Variants in KANSL1 observed in about 807,000 individuals in gnomAD.
KANSL1 encodes KAT8 regulatory NSL complex subunit 1, also known as MLL1/MLL complex subunit KANSL1.
KANSL1 carries 22 observed loss-of-function variants against 103.6 expected under a neutral mutation model. The ratio of observed to expected loss-of-function variants is 0.21; its 90% CI spans 0.15 to 0.30. The LOEUF is 0.30. Among genes scored for constraint, KANSL1 ranks in the 10% least tolerant of loss-of-function variants. The probability of loss-of-function intolerance (pLI) is 1.00; values close to 1 mark genes in which losing one functional copy is unlikely to be tolerated. For synonymous variants in KANSL1, 600 were observed against 527.6 expected, an observed-to-expected ratio of 1.14 and a Z score of -1.88; for missense variants, 1,337 against 1,399.8, an observed-to-expected ratio of 0.96 and a Z score of 0.72.
chr17:46,137,937 G>C (rs1455694773), intron 2 of KANSL1, among the ~76,000 whole-genome samples: 1 of 152,022 alleles, frequency 6.6e-6, no homozygotes, highest in African/African-American at 2.4e-5. Flanking sequence ...CAGATGAAAA[G>C]GTGTCTGCAC....
intron 2 of KANSL1, 87 bp downstream of exon 2, chr17:46,170,768 A>C: frequency 7.2e-7 from 1 of 1,397,072 alleles, no homozygotes; most frequent in Non-Finnish European, 9.7e-7. Flanking sequence ...TGTACAAAGA[A>C]TCACATTCTC....
chr17:46,109,000 G>C (rs970178399), intron 2 of KANSL1, among the ~76,000 whole-genome samples: 2 of 152,206 alleles, frequency 1.3e-5, no homozygotes, highest in Non-Finnish European at 2.9e-5. Flanking sequence ...CCGGGCTGAA[G>C]GGCAGTGATG....
chr17:46,093,362 G>A (rs2079490007), intron 3 of KANSL1: 1 of 152,508 alleles, frequency 6.6e-6, no homozygotes, highest in African/African-American at 2.4e-5. Flanking sequence ...TTTTAAATAA[G>A]TAAATCAGGA....
intron 2 of KANSL1, among the ~76,000 whole-genome samples, chr17:46,107,983 T>C (rs944776818): frequency 1.3e-5 from 2 of 152,350 alleles, no homozygotes; most frequent in African/African-American, 4.8e-5. Context: ...TCATTGTTAG[T>C]ACTTTGGTTG....
rs113128480 is a variant in KANSL1, at chr17:46,080,312, T to A, written c.1533+2129A>T. 4.6e-3 allele frequency among the ~76,000 whole-genome samples: 357 copies of A among 77,748 alleles called. 7 individuals are homozygous for A. Among genetic ancestry groups the A allele is most frequent in the Middle Eastern group, 0.043 (6 of 138 alleles). 51.0% of individuals were successfully genotyped at this position (77,748 alleles called of 152,430 possible). ...TGGGTGACAGAGCAAGAGCCTGTCT[T>A]AAAAAAAAAAAAAAAAAAAAAAAAG... On this transcript the variant is annotated intron_variant, in intron 4 of 14. Coordinates refer to ENST00000432791, the MANE Select transcript of KANSL1 (RefSeq NM_015443.4).
At chr17:46,103,074 G>C (rs947565728) in intron 2 of KANSL1, among the ~76,000 whole-genome samples, 9 of 152,210 alleles carry the variant, frequency 5.9e-5, no homozygotes, top group African/African-American at 1.7e-4. Context: ...TATGTGGTTA[G>C]AACTCCAACA....
chr17:46,032,989 G>T, intron 13 of KANSL1, 91 bp downstream of exon 13: 1 of 947,652 alleles, frequency 1.1e-6, no homozygotes, highest in Non-Finnish European at 1.6e-6. Flanking sequence ...GCAACCAAGA[G>T]GCAGTAGCAA....
intron 2 of KANSL1, among the ~76,000 whole-genome samples, chr17:46,166,951 T>G (rs1254859565): frequency 1.3e-5 from 2 of 151,988 alleles, no homozygotes; most frequent in African/African-American, 4.8e-5. Context: ...AATGAAATGT[T>G]TTATGAGGTT....
intron 2 of KANSL1, among the ~76,000 whole-genome samples, chr17:46,126,648 TA>T (rs1248797716): frequency 6.6e-6 from 1 of 152,190 alleles, no homozygotes; most frequent in Non-Finnish European, 1.5e-5. Flanking sequence ...ACTTCATTAT[TA>T]AGTGAGTTTT....
Position 46,130,534 on chromosome 17 carries a change from A to C in KANSL1, c.1290-35833T>G, listed in dbSNP as rs2043814820. Among the ~76,000 whole-genome samples the C allele has an allele frequency of 5.3e-5, 8 of 152,276 alleles. No individual in the cohort carries two copies. The South Asian group carries it at 1.7e-3, about 32-fold the overall frequency. On this transcript the variant is annotated intron_variant, in intron 2 of 14. Transcript: ENST00000432791. Reference sequence around the variant, plus strand: ...AATTGTAAAAGGCTGTTTCATACATACAAACAGTTCAGGAAAGGATAGAAC... The same window carrying C: ...AATTGTAAAAGGCTGTTTCATACATCCAAACAGTTCAGGAAAGGATAGAAC...
chr17:46,047,873 C>T (rs1345065279), intron 7 of KANSL1, among the ~76,000 whole-genome samples: 1 of 151,596 alleles, frequency 6.6e-6, no homozygotes, highest in African/African-American at 2.4e-5. Context: ...AGCATGGAGC[C>T]CTTATCCTCA....
chr17:46,058,999 G>T (rs570831900), intron 6 of KANSL1, among the ~76,000 whole-genome samples: 1 of 148,910 alleles, frequency 6.7e-6, no homozygotes, highest in South Asian at 2.1e-4. Context: ...GTGAGCCAAG[G>T]ATGTGCCACT....
At chr17:46,146,507 G>A (rs1241873447) in intron 2 of KANSL1, among the ~76,000 whole-genome samples, 1 of 152,330 alleles carries the variant, frequency 6.6e-6, no homozygotes, top group Non-Finnish European at 1.5e-5. Context: ...CCCATAGGCA[G>A]AGAGTAGCTG....
intron 6 of KANSL1, among the ~76,000 whole-genome samples, chr17:46,054,186 G>T (rs112692435): frequency 7.0e-4 from 107 of 152,196 alleles, no homozygotes; most frequent in African/African-American, 2.5e-3. Context: ...CCAAGTAGCT[G>T]GGATTGCAGG....
intron 14 of KANSL1, 168 bp from the exon 15 acceptor site, chr17:46,031,871 A>T (rs2077018481): frequency 1.0e-5 from 11 of 1,061,704 alleles, no homozygotes. Context: ...AACTGTATTG[A>T]TCATTTAGCA....
chr17:46,195,803 G>A (rs544785679), upstream of KANSL1, among the ~76,000 whole-genome samples: 76 of 152,280 alleles, frequency 5.0e-4, no homozygotes, highest in African/African-American at 1.7e-3. Flanking sequence ...GGACTCGAGT[G>A]CTGGCATTAC....
intron 10 of KANSL1, 133 bp downstream of exon 10, chr17:46,038,405 A>C: frequency 1.1e-6 from 1 of 909,942 alleles, no homozygotes; most frequent in Non-Finnish European, 1.7e-6. Flanking sequence ...ACATACATAC[A>C]TATGTCATGA....
intron 1 of KANSL1, among the ~76,000 whole-genome samples, chr17:46,183,688 C>T (rs544257833): frequency 5.3e-5 from 8 of 151,910 alleles, no homozygotes; most frequent in Admixed American, 2.6e-4. Flanking sequence ...AGGTGGCTCA[C>T]GCCTGTAATT....
intron 2 of KANSL1, among the ~76,000 whole-genome samples, chr17:46,154,164 T>C (rs2045286151): frequency 6.6e-6 from 1 of 152,230 alleles, no homozygotes. Flanking sequence ...AACAAAGCAC[T>C]GGTTCGCACA....
Sources: allele counts gnomAD v4.1 joint callset (sites outside exome capture counted in the v4.1 genomes callset), GRCh38; gene constraint gnomAD v4.1.1; transcripts MANE v1.5; gene names NCBI Gene and HGNC (gene_info 2026-07-23, HGNC 2026-07-21).